Variants in NEK11 observed in about 807,000 individuals in gnomAD.
The protein encoded by NEK11 is serine/threonine-protein kinase Nek11.
A neutral mutation model predicts 80.7 loss-of-function variants in NEK11; 72 were observed. The ratio of observed to expected loss-of-function variants is 0.89; its 90% CI spans 0.74 to 1.08. The LOEUF (loss-of-function observed/expected upper bound fraction) is 1.08. NEK11 is among the 50% of genes least tolerant of loss of function. The pLI is 0.00. For missense variants in NEK11, 764 were observed against 763.6 expected (o/e 1.00, Z -0.01); for synonymous variants, 251 against 260.7 (o/e 0.96, Z 0.36).
At chr3:131,143,858 A>G (rs2149718922) in intron 7 of NEK11, among the ~76,000 whole-genome samples, 1 of 152,304 alleles carries the variant, frequency 6.6e-6, no homozygotes, top group African/African-American at 2.4e-5. Context: ...GATACACACT[A>G]AAGCAAAACC....
intron 17 of NEK11, among the ~76,000 whole-genome samples, chr3:131,338,192 C>G (rs963880360): frequency 6.6e-6 from 1 of 151,342 alleles, no homozygotes. Flanking sequence ...GTCTTGATCT[C>G]CTGCCCTCGT....
intron 17 of NEK11, among the ~76,000 whole-genome samples, chr3:131,305,352 G>A (rs374355192): frequency 2.0e-5 from 3 of 151,964 alleles, no homozygotes; most frequent in Middle Eastern, 3.2e-3. Context: ...CTATGATGAG[G>A]GCCTCTGGGA....
At chr3:131,253,076 C>T (rs2095738669) in intron 16 of NEK11, among the ~76,000 whole-genome samples, 1 of 152,072 alleles carries the variant, frequency 6.6e-6, no homozygotes, top group Admixed American at 6.6e-5. Context: ...GCCTGATCCT[C>T]AGCATCCACA....
At chr3:131,199,593 C>CT (rs560511637) in intron 14 of NEK11, among the ~76,000 whole-genome samples, 64 of 144,556 alleles carry the variant, frequency 4.4e-4, no homozygotes, top group South Asian at 6.6e-4. Flanking sequence ...GAATACAATG[C>CT]TTTTTTTTTT....
intron 14 of NEK11, among the ~76,000 whole-genome samples, chr3:131,173,600 C>T (rs1008474805): frequency 2.0e-5 from 3 of 150,542 alleles, no homozygotes; most frequent in African/African-American, 2.4e-5. Flanking sequence ...TGTGTGTTTT[C>T]GGTGGTGGTA....
intron 3 of NEK11, among the ~76,000 whole-genome samples, chr3:131,074,866 A>G (rs1186046125): frequency 6.6e-6 from 1 of 152,132 alleles, no homozygotes; most frequent in Non-Finnish European, 1.5e-5. Context: ...CCAACTATTT[A>G]TATACTTGTT....
At chr3:131,098,540 C>T (rs1437639900) in intron 4 of NEK11, among the ~76,000 whole-genome samples, 1 of 148,464 alleles carries the variant, frequency 6.7e-6, no homozygotes, top group African/African-American at 2.5e-5. Flanking sequence ...ACTTGTATAT[C>T]TTCTTTTGAG....
intron 17 of NEK11, among the ~76,000 whole-genome samples, chr3:131,347,245 TG>T (rs1011508197): frequency 2.0e-5 from 3 of 152,178 alleles, no homozygotes; most frequent in African/African-American, 7.2e-5. Flanking sequence ...TGTGTGAGCT[TG>T]TGAAAGGCTA....
At chr3:131,101,082 TATC>T (rs1338659771) in intron 4 of NEK11, among the ~76,000 whole-genome samples, 2 of 152,198 alleles carry the variant, frequency 1.3e-5, no homozygotes, top group African/African-American at 4.8e-5. Context: ...TTGGTTGTAA[TATC>T]ATCTTTGTCA....
At chr3:131,129,101 G>A (rs1387356005) in intron 5 of NEK11, among the ~76,000 whole-genome samples, 10 of 138,208 alleles carry the variant, frequency 7.2e-5, no homozygotes, top group East Asian at 2.2e-4. Context: ...TCACGCAGGC[G>A]TGTCAGAGTC....
chr3:131,252,284 G>A lies in NEK11; in HGVS notation c.1621+8788G>A, dbSNP rs558919331. On this transcript the variant is annotated intron_variant, in intron 16 of 17. Transcript: ENST00000383366. ...GCCTAGGCACTTTGGTAATGCCCAG[G>A]TGCCTGCAGAGCATGTCAAGATATG... Among the ~76,000 whole-genome samples, 3 of 152,200 alleles carry A rather than the reference G, an allele frequency of 2.0e-5. 1 individual carries two copies. The highest frequency in any genetic ancestry group is 4.2e-4 in the South Asian group (2 of 4,816).
chr3:131,322,687 T>C (rs959053541), intron 17 of NEK11, among the ~76,000 whole-genome samples: 2 of 151,904 alleles, frequency 1.3e-5, no homozygotes, highest in Non-Finnish European at 2.9e-5. Context: ...GCAGCTCACA[T>C]GTGATGCAAT....
At chr3:131,202,250 G>T (rs2094264093) in intron 14 of NEK11, among the ~76,000 whole-genome samples, 1 of 152,148 alleles carries the variant, frequency 6.6e-6, no homozygotes, top group Non-Finnish European at 1.5e-5. Context: ...GGGCTGGACA[G>T]TGGGTGCAGC....
intron 3 of NEK11, among the ~76,000 whole-genome samples, chr3:131,066,371 G>A (rs1241826459): frequency 3.3e-5 from 5 of 152,248 alleles, no homozygotes; most frequent in African/African-American, 9.6e-5. Context: ...GGGACAGGGA[G>A]GGCAGGAGGG....
At chr3:131,197,326 C>T (rs1039209622) in intron 14 of NEK11, among the ~76,000 whole-genome samples, 4 of 152,026 alleles carry the variant, frequency 2.6e-5, no homozygotes, top group East Asian at 1.9e-4. Context: ...GGGGTGCCTT[C>T]GATGTCATTA....
intron 14 of NEK11, among the ~76,000 whole-genome samples, chr3:131,223,573 G>A (rs770033723): frequency 6.6e-6 from 1 of 152,138 alleles, no homozygotes; most frequent in Non-Finnish European, 1.5e-5. Flanking sequence ...AAGTTTTATT[G>A]GGACATAGCC....
At chr3:131,182,283 A>T (rs1319855177) in intron 14 of NEK11, among the ~76,000 whole-genome samples, 1 of 152,260 alleles carries the variant, frequency 6.6e-6, no homozygotes, top group African/African-American at 2.4e-5. Context: ...AAAAAGGAAA[A>T]ATAGGAAACC....
chr3:131,029,780 G>C lies in NEK11; in HGVS notation c.72G>C (p.Leu24Phe). ...STAISTYPKT[L>F]IARRYVLQQK... The stretch of plus-strand genomic sequence containing the variant: ...CCATTTCCACTTATCCAAAGACCTT[G>C]ATTGCAAGAAGATACGTGCTTCAAC... The change falls in exon 3 of 18, where the codon TTG (leucine) becomes TTC (phenylalanine). Residue 24 changes from leucine (L) to phenylalanine (F), a missense_variant. Physicochemically the swap from Leu to Phe is conservative, Grantham distance 22. Coordinates refer to ENST00000383366, the MANE Select transcript of NEK11 (RefSeq NM_024800.5). 6.2e-7 allele frequency: 1 copy of C among 1,614,212 alleles called. No homozygotes were observed. Among genetic ancestry groups the C allele is most frequent in the East Asian group, 2.2e-5 (1 of 44,890 alleles).
At chr3:131,068,752 A>G (rs969552981) in intron 3 of NEK11, among the ~76,000 whole-genome samples, 1 of 152,156 alleles carries the variant, frequency 6.6e-6, no homozygotes, top group African/African-American at 2.4e-5. Flanking sequence ...CTAGTAGTAG[A>G]TTCTCCTTTG....
Sources: allele counts gnomAD v4.1 joint callset (sites outside exome capture counted in the v4.1 genomes callset), GRCh38; gene constraint gnomAD v4.1.1; transcripts MANE v1.5; gene names NCBI Gene and HGNC (gene_info 2026-07-23, HGNC 2026-07-21).